CPED1: variants seen among roughly 807,000 people sequenced by gnomAD.
The protein encoded by CPED1 is cadherin-like and PC-esterase domain-containing protein 1.
A neutral mutation model predicts 128.2 loss-of-function variants in CPED1; 114 were observed. That is an observed-to-expected ratio of 0.89 (90% CI 0.76 to 1.04). The LOEUF (loss-of-function observed/expected upper bound fraction) is 1.04. CPED1 is among the 50% of genes least tolerant of loss of function. The pLI, the probability that CPED1 is intolerant of heterozygous loss-of-function variation, is 0.00. For synonymous variants in CPED1, 462 were observed against 426.7 expected (o/e 1.08, Z -1.02); for missense variants, 1,211 against 1,207.1 (o/e 1.00, Z -0.05).
chr7:121,110,141 C>A (rs1795073425), intron 7 of CPED1, among the ~76,000 whole-genome samples: 1 of 152,166 alleles, frequency 6.6e-6, no homozygotes, highest in Non-Finnish European at 1.5e-5. Context: ...CTATGGACCA[C>A]TTTCCATGTC....
intron 5 of CPED1, among the ~76,000 whole-genome samples, chr7:121,069,016 A>G (rs1215783808): frequency 1.3e-5 from 2 of 152,082 alleles, no homozygotes; most frequent in Non-Finnish European, 2.9e-5. Flanking sequence ...TTTGCCCCAG[A>G]GGGAGACATT....
At chr7:121,239,177 A>C (rs1407211294) in intron 17 of CPED1, among the ~76,000 whole-genome samples, 1 of 152,170 alleles carries the variant, frequency 6.6e-6, no homozygotes, top group East Asian at 1.9e-4. Context: ...GGAGCTCTGG[A>C]TTTAGTTTTA....
intron 2 of CPED1, among the ~76,000 whole-genome samples, chr7:120,991,191 A>T (rs778003730): frequency 7.2e-5 from 11 of 152,254 alleles, no homozygotes; most frequent in Non-Finnish European, 1.0e-4. Context: ...CTTTTAAGTG[A>T]CTTCATTTGT....
intron 7 of CPED1, among the ~76,000 whole-genome samples, chr7:121,111,830 A>G (rs1356985646): frequency 2.0e-5 from 3 of 152,222 alleles, no homozygotes; most frequent in Non-Finnish European, 4.4e-5. Flanking sequence ...ACAATGATAA[A>G]AGGCAAATTG....
At chr7:121,026,827 CTTTTTT>C (rs71170219) in intron 3 of CPED1, among the ~76,000 whole-genome samples, 1 of 83,470 alleles carries the variant, frequency 1.2e-5, no homozygotes, top group South Asian at 4.8e-4. Flanking sequence ...CCTGTCAGTT[CTTTTTT>C]TTTTTTTTTT....
At chr7:121,138,893 C>T (rs1369030113) in intron 14 of CPED1, among the ~76,000 whole-genome samples, 1 of 151,776 alleles carries the variant, frequency 6.6e-6, no homozygotes, top group Non-Finnish European at 1.5e-5. Context: ...AATCAAACCT[C>T]ATGATTAATA....
At chr7:121,144,617 A>G (rs1563044114) in intron 16 of CPED1, among the ~76,000 whole-genome samples, 1 of 152,004 alleles carries the variant, frequency 6.6e-6, no homozygotes, top group South Asian at 2.1e-4. Context: ...GTTCAATAGT[A>G]TAACAGGGCA....
chr7:121,104,684 C>G (rs992269681), intron 7 of CPED1, among the ~76,000 whole-genome samples: 15 of 152,006 alleles, frequency 9.9e-5, no homozygotes, highest in Non-Finnish European at 2.9e-5. Context: ...GTTGCTATTC[C>G]ATATTTGACA....
intron 3 of CPED1, 141 bp from the exon 4 acceptor site, chr7:121,046,746 C>T (rs1793209928): frequency 2.0e-6 from 1 of 492,456 alleles, no homozygotes; most frequent in Non-Finnish European, 3.5e-6. Context: ...ATTTTACTGA[C>T]ATTTTGTCTT....
At chr7:121,009,549 G>A (rs1792108323) in intron 2 of CPED1, among the ~76,000 whole-genome samples, 1 of 145,158 alleles carries the variant, frequency 6.9e-6, no homozygotes, top group Admixed American at 7.1e-5. Context: ...GGAGGTTGTA[G>A]TAAGCCTAGA....
intron 5 of CPED1, among the ~76,000 whole-genome samples, chr7:121,077,854 A>C (rs1209372248): frequency 1.3e-5 from 2 of 151,838 alleles, no homozygotes; most frequent in African/African-American, 2.4e-5. Flanking sequence ...ATACGTTTAA[A>C]ATTTTTATAT....
intron 3 of CPED1, among the ~76,000 whole-genome samples, chr7:121,040,154 C>T (rs1488625572): frequency 1.3e-5 from 2 of 151,984 alleles, no homozygotes; most frequent in African/African-American, 4.8e-5. Flanking sequence ...AAGTAAACAC[C>T]CATGACCAGC....
intron 14 of CPED1, 28 bp downstream of exon 14, chr7:121,136,118 G>T: frequency 6.5e-7 from 1 of 1,534,688 alleles, no homozygotes; most frequent in Non-Finnish European, 8.7e-7. Flanking sequence ...TGTTGTAGCA[G>T]CATAATAAAC....
intron 16 of CPED1, among the ~76,000 whole-genome samples, chr7:121,158,761 A>G (rs1796347270): frequency 6.6e-6 from 1 of 152,148 alleles, no homozygotes; most frequent in Non-Finnish European, 1.5e-5. Context: ...TAACAATAAT[A>G]CTATTAATAA....
At chr7:121,287,903 A>ATATT (rs1289972256) in intron 22 of CPED1, among the ~76,000 whole-genome samples, 1 of 152,164 alleles carries the variant, frequency 6.6e-6, no homozygotes, top group Non-Finnish European at 1.5e-5. Flanking sequence ...TTTCTCTAAT[A>ATATT]TATTTCTTAC....
chr7:121,168,557 A>G (rs1796584712), intron 16 of CPED1, among the ~76,000 whole-genome samples: 3 of 152,238 alleles, frequency 2.0e-5, no homozygotes, highest in African/African-American at 7.2e-5. Context: ...TGGGATATCC[A>G]ACCCTTCAAG....
intron 22 of CPED1, among the ~76,000 whole-genome samples, chr7:121,291,364 G>A (rs1444341248): frequency 1.3e-5 from 2 of 152,170 alleles, no homozygotes; most frequent in African/African-American, 4.8e-5. Context: ...GATGGGAATA[G>A]CATTGAATCT....
At position 121,100,124 on chromosome 7, in the gene CPED1, C is replaced by T. The variant is rs536820540; in HGVS notation, c.918+30C>T. On this transcript the variant is annotated intron_variant, in intron 7 of 22. Transcript: ENST00000310396. ...GCTCTCGGTTGAAGCTATTATTTCA[C>T]GTAAGTACACTGAAGTAAAGTAAAG... 51 of 1,604,024 alleles carry T rather than the reference C, an allele frequency of 3.2e-5. No homozygotes were observed. The East Asian group carries it at 4.0e-4, about 13-fold the overall frequency.
intron 4 of CPED1, among the ~76,000 whole-genome samples, chr7:121,054,378 C>T (rs1448726558): frequency 6.6e-6 from 1 of 152,124 alleles, no homozygotes; most frequent in Non-Finnish European, 1.5e-5. Context: ...CATCATATTT[C>T]CCTATTGTTT....
Sources: gnomAD v4.1 joint callset for allele counts (sites outside exome capture counted in the v4.1 genomes callset) on GRCh38, gnomAD v4.1.1 for gene constraint, MANE v1.5 for transcripts, NCBI Gene and HGNC (gene_info 2026-07-23, HGNC 2026-07-21) for gene names.